The following TLE2 variants were observed in gnomAD, a reference collection of about 807,000 sequenced individuals.
The protein encoded by TLE2 is transducin-like enhancer protein 2.
Under a neutral mutation model 97.2 loss-of-function variants are expected in TLE2, and 74 were observed. That is an observed-to-expected ratio of 0.76 (90% CI 0.63 to 0.92). TLE2 has a LOEUF of 0.92. TLE2 is among the 40% of genes least tolerant of loss of function. The probability of loss-of-function intolerance (pLI) is 0.00; values close to 1 mark genes in which losing one functional copy is unlikely to be tolerated. For synonymous variants in TLE2, 499 were observed against 432.1 expected (o/e 1.15, Z -1.92); for missense variants, 1,038 against 1,008.7 (o/e 1.03, Z -0.39).
At chr19:3,031,384 G>GTA (rs1555694801), upstream of TLE2, among the ~76,000 whole-genome samples, 27 of 137,052 alleles carry the variant, frequency 2.0e-4, no homozygotes, top group African/African-American at 6.7e-4. Flanking sequence ...GTGTGTGTGT[G>GTA]TGTAGTACTC....
intron 15 of TLE2, 49 bp downstream of exon 15, chr19:3,006,371 C>G: frequency 6.3e-7 from 1 of 1,584,888 alleles, no homozygotes; most frequent in Non-Finnish European, 8.6e-7. Flanking sequence ...GGAACATAAG[C>G]CCCACCCCTC....
At chr19:3,042,589 G>A (rs1177879846) in intron 1 of TLE2, among the ~76,000 whole-genome samples, 1 of 151,632 alleles carries the variant, frequency 6.6e-6, no homozygotes, top group Non-Finnish European at 1.5e-5. Flanking sequence ...CCCAGAGATG[G>A]CAGAAAGAGG....
rs753492051 is a variant in TLE2, at chr19:3,025,026, G to T, written c.288C>A (p.Thr96=). 6.3e-7 allele frequency: 1 copy of T among 1,598,586 alleles called. No individual in the cohort carries two copies. Among genetic ancestry groups the T allele is most frequent in the African/African-American group, 1.3e-5 (1 of 74,692 alleles). ...GICAQIIPFL[T]QEHQQQVLQA... ...CACCCCCAGGCCCACTCACCTCCTG[G>T]GTCAGGAAGGGGATAATCTGAGCGC... is the stretch of plus-strand genomic sequence containing the variant. Residue 96 remains threonine, a synonymous_variant, in exon 5 of 20, where the codon ACC becomes ACA. Transcript: ENST00000262953.
chr19:3,034,017 C>A (rs1174172287), upstream of TLE2, among the ~76,000 whole-genome samples: 2 of 152,036 alleles, frequency 1.3e-5, no homozygotes, highest in Non-Finnish European at 2.9e-5. Flanking sequence ...GGCACCACCT[C>A]CGGTTCCTAC....
intron 14 of TLE2, among the ~76,000 whole-genome samples, chr19:3,008,152 AG>A (rs1218835824): frequency 6.6e-6 from 1 of 152,198 alleles, no homozygotes; most frequent in Non-Finnish European, 1.5e-5. Context: ...AAGTACTGAA[AG>A]CCACGCCCAG....
At chr19:3,038,767 G>A (rs952919927) in intron 1 of TLE2, among the ~76,000 whole-genome samples, 3 of 152,182 alleles carry the variant, frequency 2.0e-5, no homozygotes, top group Admixed American at 1.3e-4. Flanking sequence ...AATTAAGGCC[G>A]GGCGCAGTGG....
At chr19:3,032,657 G>A (rs528591261), upstream of TLE2, among the ~76,000 whole-genome samples, 1 of 152,202 alleles carries the variant, frequency 6.6e-6, no homozygotes, top group African/African-American at 2.4e-5. The surrounding 1 kb of genome is among the most constrained non-coding windows in gnomAD (Gnocchi z 4.1). Flanking sequence ...GCGGGGCCTG[G>A]CACACAGTAA....
intron 3 of TLE2, 139 bp from the exon 4 acceptor site, chr19:3,028,012 G>C (rs1471351657): frequency 2.3e-6 from 2 of 885,338 alleles, no homozygotes; most frequent in Non-Finnish European, 3.5e-6. Flanking sequence ...AGCTCCACGG[G>C]GTCCCAGAGG....
intron 2 of TLE2, 50 bp from the exon 3 acceptor site, chr19:3,028,432 GGC>G: frequency 6.5e-7 from 1 of 1,534,354 alleles, no homozygotes; most frequent in East Asian, 2.4e-5. Flanking sequence ...CATGTGGGCC[GGC>G]TTCCAAAGTG....
At chr19:2,999,090 T>C (rs1025540652) in intron 19 of TLE2, among the ~76,000 whole-genome samples, 3 of 152,084 alleles carry the variant, frequency 2.0e-5, no homozygotes, top group Admixed American at 1.3e-4. Context: ...CAGACCAGAC[T>C]GGCCAACGTG....
chr19:3,002,887 C>T (rs1184629263), intron 17 of TLE2, among the ~76,000 whole-genome samples: 1 of 151,980 alleles, frequency 6.6e-6, no homozygotes, highest in African/African-American at 2.4e-5. Context: ...TTAGTAAAGA[C>T]GGCGTTTCAC....
intron 1 of TLE2, among the ~76,000 whole-genome samples, chr19:3,038,347 C>T (rs1325589064): frequency 6.6e-6 from 1 of 152,050 alleles, no homozygotes; most frequent in African/African-American, 2.4e-5. Flanking sequence ...TAGCTGGAAT[C>T]ACAGGTGTGT....
At position 3,005,522 on chromosome 19, in the gene TLE2, A is replaced by G; in HGVS notation, c.1811T>C (p.Leu604Pro). 1 of 1,613,668 alleles carries G rather than the reference A, an allele frequency of 6.2e-7. No individual in the cohort carries two copies. The highest frequency in any genetic ancestry group is 8.5e-7 in the Non-Finnish European group (1 of 1,179,822). Reference sequence around the variant, plus strand: ...CGTGTTGTCCAGGCCCCCTGTCCAGAGCCGAGTGCCGTAATCGGAAATATC... The same window carrying G: ...CGTGTTGTCCAGGCCCCCTGTCCAGGGCCGAGTGCCGTAATCGGAAATATC... ...CIDISDYGTR[L>P]WTGGLDNTVR... The change falls in exon 17 of 20, where the codon CTC becomes CCC. Residue 604 changes from leucine to proline, a missense_variant. By Grantham distance (98) the Leu-to-Pro change is moderately conservative (BLOSUM62 -3). Coordinates refer to ENST00000262953, the MANE Select transcript of TLE2 (RefSeq NM_003260.5).
chr19:2,998,048 A>ACCTCCC, intron 19 of TLE2, 93 bp from the exon 20 acceptor site: 1 of 829,196 alleles, frequency 1.2e-6, no homozygotes, highest in Non-Finnish European at 2.0e-6. Flanking sequence ...CAGGAACGGG[A>ACCTCCC]GGTCAGGACT....
Position 2,998,275 on chromosome 19 carries a change from G to GTGTGTA in TLE2, c.2125-321_2125-320insTACACA, listed in dbSNP as rs796339147. On this transcript the variant is annotated intron_variant, in intron 19 of 19. Coordinates refer to ENST00000262953, the MANE Select transcript of TLE2 (RefSeq NM_003260.5). ...TGTGTGTGTGTGTGTGTGTGTGTGTGTAATTTTTTTTTTTTTTTGTGAGAC... is the reference window on the plus strand; with the variant it reads ...TGTGTGTGTGTGTGTGTGTGTGTGTGTGTGTATAATTTTTTTTTTTTTTTGTGAGAC... Among the ~76,000 whole-genome samples the GTGTGTA allele has an allele frequency of 6.9e-3, 763 of 110,330 alleles. 18 individuals are homozygous for GTGTGTA. Among genetic ancestry groups the GTGTGTA allele is most frequent in the African/African-American group, 0.02 (716 of 35,768 alleles). 72.4% of individuals were successfully genotyped at this position (110,330 alleles called of 152,430 possible). A position where few individuals can be genotyped will look rare whatever the true frequency, so the allele number is the denominator to read the frequency against.
At chr19:3,043,438 A>G (rs2089350591) in intron 1 of TLE2, among the ~76,000 whole-genome samples, 1 of 146,908 alleles carries the variant, frequency 6.8e-6, no homozygotes, top group South Asian at 2.1e-4. Flanking sequence ...CAGCCTCCCA[A>G]AGTGCTGGGA....
At chr19:3,025,947 C>T (rs971153721) in intron 4 of TLE2, among the ~76,000 whole-genome samples, 3 of 152,072 alleles carry the variant, frequency 2.0e-5, no homozygotes, top group Non-Finnish European at 4.4e-5. Context: ...ACCCCAGGCA[C>T]CCCACACTCC....
intron 1 of TLE2, among the ~76,000 whole-genome samples, chr19:3,037,594 G>A (rs1173467380): frequency 6.6e-6 from 1 of 152,180 alleles, no homozygotes; most frequent in African/African-American, 2.4e-5. Flanking sequence ...TGAAGTCACA[G>A]TGGGTTCTGA....
At chr19:3,000,438 C>T (rs1001945165) in intron 19 of TLE2, among the ~76,000 whole-genome samples, 1 of 152,094 alleles carries the variant, frequency 6.6e-6, no homozygotes, top group Non-Finnish European at 1.5e-5. Context: ...GAAAAACCAA[C>T]AGGCTACGGG....
Sources: allele counts gnomAD v4.1 joint callset (sites outside exome capture counted in the v4.1 genomes callset), GRCh38; gene constraint gnomAD v4.1.1; non-coding constraint Gnocchi (gnomAD v3.1); transcripts MANE v1.5; gene names NCBI Gene and HGNC (gene_info 2026-07-23, HGNC 2026-07-21).